PTK2B: variants seen among roughly 807,000 people sequenced by gnomAD.
PTK2B encodes protein tyrosine kinase 2 beta.
PTK2B carries 71 observed loss-of-function variants against 142.9 expected under a neutral mutation model. The ratio of observed to expected loss-of-function variants is 0.50; its 90% CI spans 0.41 to 0.61. PTK2B has a LOEUF of 0.61. Ranked by LOEUF, PTK2B falls within the 20% of genes least tolerant of loss-of-function variation. The probability of loss-of-function intolerance (pLI) is 0.00; values close to 1 mark genes in which losing one functional copy is unlikely to be tolerated. For missense variants in PTK2B, 1,105 were observed against 1,320.4 expected, an observed-to-expected ratio of 0.84 and a Z score of 2.53; for synonymous variants, 519 against 503.4, an observed-to-expected ratio of 1.03 and a Z score of -0.42.
intron 13 of PTK2B, 24 bp downstream of exon 13, chr8:27,434,583 A>C (rs1444544822): frequency 1.3e-6 from 2 of 1,593,786 alleles, no homozygotes; most frequent in Non-Finnish European, 1.7e-6. Context: ...TGCATCCTCC[A>C]CCTGCTCCAG....
At chr8:27,432,575 T>C (rs949588235) in intron 10 of PTK2B, among the ~76,000 whole-genome samples, 2 of 152,132 alleles carry the variant, frequency 1.3e-5, no homozygotes, top group African/African-American at 4.8e-5. Context: ...ATTTTTTTAA[T>C]GTCAGGAGAA....
rs1318985920 is a variant in PTK2B at position 27,397,533 on chromosome 8, C to T, written c.-37-15C>T. On this transcript the variant is annotated splice_polypyrimidine_tract_variant and intron_variant, in intron 1 of 30. Coordinates refer to ENST00000346049, the MANE Select transcript of PTK2B (RefSeq NM_173176.3). ...GTGGGGCTCTTTCAGGGCTGACCCT[C>T]TGCTGTCTCTGCAGGACTGCAATGT... 2 of 1,592,318 alleles carry T rather than the reference C, an allele frequency of 1.3e-6. No individual in the cohort carries two copies. Among genetic ancestry groups the T allele is most frequent in the African/African-American group, 1.3e-5 (1 of 74,616 alleles).
intron 27 of PTK2B, 145 bp from the exon 28 acceptor site, chr8:27,452,969 C>A: frequency 1.1e-6 from 1 of 932,070 alleles, no homozygotes; most frequent in Non-Finnish European, 1.6e-6. Flanking sequence ...AGGTTCCTTC[C>A]CCTGCCCGCT....
chr8:27,371,924 A>C (rs547984463), intron 1 of PTK2B, among the ~76,000 whole-genome samples: 1 of 152,322 alleles, frequency 6.6e-6, no homozygotes, highest in South Asian at 2.1e-4. Flanking sequence ...TGTGCCAGGC[A>C]CCGATCCAGG....
chr8:27,436,891 G>A (rs573840447), intron 15 of PTK2B, among the ~76,000 whole-genome samples: 7 of 152,318 alleles, frequency 4.6e-5, no homozygotes, highest in African/African-American at 1.7e-4. Flanking sequence ...ATGGCCAGGG[G>A]CTTGACTCAT....
intron 30 of PTK2B, among the ~76,000 whole-genome samples, chr8:27,456,055 C>T (rs1812121598): frequency 6.6e-6 from 1 of 152,246 alleles, no homozygotes; most frequent in Non-Finnish European, 1.5e-5. Context: ...CTAGGTGGGG[C>T]TGTGGGGCTG....
rs574359199 is a variant in PTK2B, at chr8:27,344,609, A to C, written c.-38+18928A>C. ...TTACTAGAAGACAGAAATATAGATAACTAAGGTCACCCAGGATCCCACCCC... is the reference window on the plus strand; with the variant it reads ...TTACTAGAAGACAGAAATATAGATACCTAAGGTCACCCAGGATCCCACCCC... On this transcript the variant is annotated intron_variant, in intron 1 of 30. Transcript: ENST00000346049. Among the ~76,000 whole-genome samples the C allele has an allele frequency of 1.7e-3, 258 of 152,276 alleles. 5 individuals are homozygous for C. The highest frequency in any genetic ancestry group is 1.3e-4 in the Non-Finnish European group (9 of 68,034).
At chr8:27,315,309 G>A (rs1803068030) in intron 3 of PTK2B, among the ~76,000 whole-genome samples, 1 of 152,140 alleles carries the variant, frequency 6.6e-6, no homozygotes, top group African/African-American at 2.4e-5. Context: ...TTGCATGCTA[G>A]GTGATTCTGA....
At chr8:27,414,813 C>T (rs1017108480) in intron 2 of PTK2B, among the ~76,000 whole-genome samples, 1 of 152,100 alleles carries the variant, frequency 6.6e-6, no homozygotes, top group Non-Finnish European at 1.5e-5. Context: ...TCTTTGCTCA[C>T]TCCCCCTGTT....
At chr8:27,324,663 C>T (rs1156851439), upstream of PTK2B, among the ~76,000 whole-genome samples, 1 of 152,220 alleles carries the variant, frequency 6.6e-6, no homozygotes, top group African/African-American at 2.4e-5. Context: ...AACAGGGCAG[C>T]TCTGGGAATC....
At chr8:27,313,083 A>C (rs892718696) in intron 2 of PTK2B, 1 of 152,238 alleles carries the variant, frequency 6.6e-6, no homozygotes, top group Non-Finnish European at 1.5e-5. Flanking sequence ...GGTGGAGGTA[A>C]TTGAATCACA....
chr8:27,418,551 T>C (rs1191862546), intron 2 of PTK2B, among the ~76,000 whole-genome samples: 2 of 152,194 alleles, frequency 1.3e-5, no homozygotes, highest in African/African-American at 2.4e-5. Context: ...CAGCAACCTA[T>C]TATGCATTAT....
intron 23 of PTK2B, among the ~76,000 whole-genome samples, chr8:27,445,132 G>C (rs1369394281): frequency 6.6e-6 from 1 of 152,214 alleles, no homozygotes; most frequent in African/African-American, 2.4e-5. Flanking sequence ...CTACTAAGGA[G>C]GGTGAGATGG....
At chr8:27,352,815 T>C (rs1331470815) in intron 1 of PTK2B, among the ~76,000 whole-genome samples, 7 of 152,248 alleles carry the variant, frequency 4.6e-5, no homozygotes, top group Admixed American at 1.3e-4. Context: ...GCCATAATTG[T>C]GAGGCTTCCC....
chr8:27,328,034 C>A (rs1586083849), intron 1 of PTK2B, among the ~76,000 whole-genome samples: 1 of 152,286 alleles, frequency 6.6e-6, no homozygotes, highest in African/African-American at 2.4e-5. Context: ...GTTCATGCTT[C>A]CAGTGAGAAC....
chr8:27,453,021 A>G (rs1811913980), intron 27 of PTK2B, 93 bp from the exon 28 acceptor site: 1 of 1,431,794 alleles, frequency 7.0e-7, no homozygotes, highest in Non-Finnish European at 9.8e-7. Context: ...TCCTGGTGGT[A>G]GAGGGGAAGG....
At chr8:27,312,169 C>T (rs953524382) in intron 1 of PTK2B, 3 of 152,218 alleles carry the variant, frequency 2.0e-5, no homozygotes, top group Non-Finnish European at 4.4e-5. Context: ...ACTTTACAGC[C>T]TCCAGATGCA....
chr8:27,429,681 A>T (rs552038355), intron 5 of PTK2B, among the ~76,000 whole-genome samples: 2 of 152,236 alleles, frequency 1.3e-5, no homozygotes, highest in South Asian at 4.1e-4. Flanking sequence ...ATACACACAT[A>T]TAATATCTCA....
intron 18 of PTK2B, chr8:27,438,093 G>A (rs1393306900): frequency 7.6e-6 from 4 of 523,238 alleles, no homozygotes; most frequent in South Asian, 4.9e-5. Flanking sequence ...GGGTTGTTAC[G>A]AGTAACTCTG....
Sources: gnomAD v4.1 joint callset for allele counts (sites outside exome capture counted in the v4.1 genomes callset) on GRCh38, gnomAD v4.1.1 for gene constraint, MANE v1.5 for transcripts, NCBI Gene and HGNC (gene_info 2026-07-23, HGNC 2026-07-21) for gene names.